The following UMAD1 variants were observed in gnomAD, a reference collection of about 807,000 sequenced individuals.
UMAD1 encodes the protein UBAP1-MVB12-associated (UMA) domain containing 1, also known as UBAP1-MVB12-associated (UMA)-domain containing protein 1.
In UMAD1, 8 loss-of-function variants were observed where a neutral mutation model predicts 6.1. The ratio of observed to expected loss-of-function variants is 1.30; its 90% CI spans 0.76 to 2.35. The LOEUF is 2.35. Ranked by LOEUF, UMAD1 falls within the 30% of genes most tolerant of loss-of-function variation. UMAD1 has a pLI of 0.00. For missense variants in UMAD1, 130 were observed against 78.4 expected, an observed-to-expected ratio of 1.66 and a Z score of -2.49; for synonymous variants, 56 against 31.4, an observed-to-expected ratio of 1.78 and a Z score of -2.61.
chr7:7,800,965 T>C (rs1339001821), intron 2 of UMAD1, among the ~76,000 whole-genome samples: 1 of 152,220 alleles, frequency 6.6e-6, no homozygotes, highest in African/African-American at 2.4e-5. Flanking sequence ...GTAGTCTCTA[T>C]CATGTGTTAA....
At chr7:7,760,220 A>G (rs955068281) in intron 2 of UMAD1, among the ~76,000 whole-genome samples, 2 of 151,978 alleles carry the variant, frequency 1.3e-5, no homozygotes, top group Non-Finnish European at 2.9e-5. Context: ...ACCAAATGTG[A>G]GTGAAGTTGT....
chr7:7,831,602 T>C (rs1295640793), intron 3 of UMAD1, among the ~76,000 whole-genome samples: 1 of 152,164 alleles, frequency 6.6e-6, no homozygotes, highest in Non-Finnish European at 1.5e-5. Context: ...TGAACCTCCC[T>C]GGTGACTTGA....
chr7:7,847,747 T>A (rs1349571970), intron 3 of UMAD1, among the ~76,000 whole-genome samples: 45 of 152,116 alleles, frequency 3.0e-4, no homozygotes, highest in Admixed American at 3.0e-3. Context: ...AATGAAGCCT[T>A]GCTATGTTGC....
At chr7:7,675,857 G>A (rs1055694675) in intron 2 of UMAD1, among the ~76,000 whole-genome samples, 1 of 152,186 alleles carries the variant, frequency 6.6e-6, no homozygotes, top group Non-Finnish European at 1.5e-5. Context: ...GCCAGATGTT[G>A]GCTGAGGCCT....
At chr7:7,748,233 C>T (rs1283438295) in intron 2 of UMAD1, among the ~76,000 whole-genome samples, 6 of 151,800 alleles carry the variant, frequency 4.0e-5, no homozygotes, top group African/African-American at 7.3e-5. Context: ...CGTGAGCCAC[C>T]GTGCCCGGCC....
Position 7,747,548 on chromosome 7 carries a change from A to G in UMAD1, c.83-54122A>G, listed in dbSNP as rs191094659. On this transcript the variant is annotated intron_variant, in intron 2 of 3. Coordinates refer to ENST00000682710, the MANE Select transcript of UMAD1 (RefSeq NM_001302348.2). ...AGAAAGCGTCAAATCTTAGGTTATC[A>G]TGACACTTAGTAATTATGAAGTATA... Among the ~76,000 whole-genome samples, 321 of 152,322 alleles carry G rather than the reference A, an allele frequency of 2.1e-3. 1 individual carries two copies. The highest frequency in any genetic ancestry group is 6.8e-3 in the Middle Eastern group (2 of 294).
chr7:7,684,703 G>A (rs945155636), intron 2 of UMAD1, among the ~76,000 whole-genome samples: 2 of 152,124 alleles, frequency 1.3e-5, no homozygotes, highest in Non-Finnish European at 2.9e-5. Flanking sequence ...GACTCTTTCT[G>A]GCTTTAGCCA....
chr7:7,784,636 T>C (rs1037290489), intron 2 of UMAD1, among the ~76,000 whole-genome samples: 13 of 151,876 alleles, frequency 8.6e-5, no homozygotes, highest in African/African-American at 2.7e-4. Flanking sequence ...TGAGCCACCG[T>C]GCCCGGCCTA....
chr7:7,755,865 G>A (rs1781766636), intron 2 of UMAD1, among the ~76,000 whole-genome samples: 1 of 152,182 alleles, frequency 6.6e-6, no homozygotes, highest in Non-Finnish European at 1.5e-5. Flanking sequence ...TAGAATTTTA[G>A]AAGTTTTAAT....
chr7:7,673,876 T>C lies in UMAD1; in HGVS notation c.82+423T>C, dbSNP rs191914290. 1.1e-3 allele frequency among the ~76,000 whole-genome samples: 162 copies of C among 152,326 alleles called. 1 individual carries two copies. The highest frequency in any genetic ancestry group is 3.8e-3 in the African/African-American group (156 of 41,572). ...TGAAGTAGACTTTAAAATCTAAATA[T>C]GTTAAATAGTGTTTCCTGTTTAAGA... is the stretch of plus-strand genomic sequence containing the variant. On this transcript the variant is annotated intron_variant, in intron 2 of 3. Transcript: ENST00000682710.
intron 2 of UMAD1, among the ~76,000 whole-genome samples, chr7:7,780,899 A>T (rs1417688326): frequency 6.6e-6 from 1 of 152,174 alleles, no homozygotes; most frequent in Non-Finnish European, 1.5e-5. Context: ...CATTGTAGGG[A>T]TAATTAATTA....
At chr7:7,722,163 ATATATATG>A (rs1781062548) in intron 2 of UMAD1, among the ~76,000 whole-genome samples, 1 of 142,330 alleles carries the variant, frequency 7.0e-6, no homozygotes, top group African/African-American at 2.9e-5. Flanking sequence ...CTCTCTATAT[ATATATATG>A]TATATATATG....
intron 3 of UMAD1, among the ~76,000 whole-genome samples, chr7:7,806,882 A>T (rs552575302): frequency 7.5e-4 from 115 of 152,360 alleles, no homozygotes; most frequent in Admixed American, 4.4e-3. Flanking sequence ...CATGGGTTCC[A>T]TAAAGCTTAA....
At chr7:7,855,732 A>C (rs961357096) in intron 3 of UMAD1, among the ~76,000 whole-genome samples, 1 of 152,328 alleles carries the variant, frequency 6.6e-6, no homozygotes, top group Admixed American at 6.5e-5. Context: ...TACTTATGCA[A>C]GTTTCTGCAG....
At chr7:7,770,024 C>T (rs1304636134) in intron 2 of UMAD1, among the ~76,000 whole-genome samples, 1 of 152,116 alleles carries the variant, frequency 6.6e-6, no homozygotes, top group Non-Finnish European at 1.5e-5. Context: ...CTTTTTTATT[C>T]TTTCAGACTT....
chr7:7,733,575 T>G (rs1197083078), intron 2 of UMAD1, among the ~76,000 whole-genome samples: 1 of 147,520 alleles, frequency 6.8e-6, no homozygotes, highest in African/African-American at 2.5e-5. Context: ...ATATGGTAGT[T>G]ATGACTTTGC....
chr7:7,746,561 A>C (rs1463053348), intron 2 of UMAD1, among the ~76,000 whole-genome samples: 1 of 152,244 alleles, frequency 6.6e-6, no homozygotes, highest in Non-Finnish European at 1.5e-5. Context: ...CTACTGGCCT[A>C]ATAAAAGCCT....
rs533246067 is a variant in UMAD1, at chr7:7,873,635, T to G, written c.157-3646T>G. ...GACCACTCTTATAGGCATGTGCTTT[T>G]TAACTTTACTAATTCGAGGTCATCC... On this transcript the variant is annotated intron_variant, in intron 3 of 3. Coordinates refer to ENST00000682710, the MANE Select transcript of UMAD1 (RefSeq NM_001302348.2). 2.6e-5 allele frequency among the ~76,000 whole-genome samples: 4 copies of G among 152,342 alleles called. No individual in the cohort carries two copies. In the East Asian group the frequency reaches 7.7e-4, roughly 29 times the overall value.
intron 1 of UMAD1, among the ~76,000 whole-genome samples, chr7:7,661,567 G>A (rs1390970510): frequency 1.3e-5 from 2 of 152,138 alleles, no homozygotes; most frequent in Admixed American, 1.3e-4. Flanking sequence ...AGGCCCGTGT[G>A]CTGCAGGTCT....
Sources: allele counts gnomAD v4.1 joint callset (sites outside exome capture counted in the v4.1 genomes callset), GRCh38; gene constraint gnomAD v4.1.1; transcripts MANE v1.5; gene names NCBI Gene and HGNC (gene_info 2026-07-23, HGNC 2026-07-21).